The following TMCC1 variants were observed in gnomAD, a reference collection of about 807,000 sequenced individuals.
TMCC1 encodes the protein transmembrane and coiled-coil domain family 1.
Under a neutral mutation model 52.4 loss-of-function variants are expected in TMCC1, and 15 were observed. The ratio of observed to expected loss-of-function variants is 0.29; its 90% CI spans 0.19 to 0.44. TMCC1 has a LOEUF of 0.44. Ranked by LOEUF, TMCC1 falls within the 20% of genes least tolerant of loss-of-function variation. TMCC1 has a pLI of 1.00. For missense variants in TMCC1, 503 were observed against 806.0 expected, an observed-to-expected ratio of 0.62 and a Z score of 4.55; for synonymous variants, 279 against 301.9, an observed-to-expected ratio of 0.92 and a Z score of 0.79.
rs73866113 is a variant in TMCC1 at position 129,723,366 on chromosome 3, T to C, written c.577-52102A>G. Among the ~76,000 whole-genome samples, 1,044 of 141,980 alleles carry C rather than the reference T, an allele frequency of 7.4e-3. 13 individuals carry two copies. The highest frequency in any genetic ancestry group is 9.4e-3 in the Non-Finnish European group (631 of 67,250). 93.1% of individuals were successfully genotyped at this position (141,980 alleles called of 152,430 possible). On this transcript the variant is annotated intron_variant, in intron 4 of 6. Transcript: ENST00000393238. ...AGCACTAAGAAATCTTTTTCTTTTT[T>C]TTTTTTTTTTTTTGGCCACCTAGAT...
chr3:129,692,795 A>T (rs574983263), intron 4 of TMCC1, among the ~76,000 whole-genome samples: 1 of 152,314 alleles, frequency 6.6e-6, no homozygotes, highest in East Asian at 1.9e-4. Flanking sequence ...TTTTTGTCCC[A>T]AACTAAAGTA....
intron 4 of TMCC1, among the ~76,000 whole-genome samples, chr3:129,795,754 T>G (rs1457714973): frequency 6.6e-6 from 1 of 152,216 alleles, no homozygotes; most frequent in Non-Finnish European, 1.5e-5. Context: ...AGTAGCATGA[T>G]AAAACCTCAT....
At chr3:129,778,012 T>A (rs1466674190) in intron 4 of TMCC1, among the ~76,000 whole-genome samples, 1 of 152,132 alleles carries the variant, frequency 6.6e-6, no homozygotes, top group Non-Finnish European at 1.5e-5. Flanking sequence ...TTGCCTAAAC[T>A]CTAGTGATCA....
intron 4 of TMCC1, among the ~76,000 whole-genome samples, chr3:129,808,495 A>AATC (rs1196143966): frequency 1.3e-5 from 2 of 151,360 alleles, no homozygotes; most frequent in Non-Finnish European, 2.9e-5. Flanking sequence ...TAATAATAAT[A>AATC]ATAATAATAA....
At chr3:129,659,528 A>AG (rs1576344891) in intron 5 of TMCC1, among the ~76,000 whole-genome samples, 2 of 152,332 alleles carry the variant, frequency 1.3e-5, no homozygotes, top group East Asian at 3.9e-4. Context: ...ATGTAAAATC[A>AG]GGTGTGAAAT....
At chr3:129,892,301 G>A in intron 1 of TMCC1, among the ~76,000 whole-genome samples, 1 of 152,130 alleles carries the variant, frequency 6.6e-6, no homozygotes, top group East Asian at 1.9e-4. Context: ...CAGAGAGTGG[G>A]TGATTGCAAA....
intron 4 of TMCC1, among the ~76,000 whole-genome samples, chr3:129,737,257 A>G (rs1478132434): frequency 3.9e-5 from 6 of 152,058 alleles, no homozygotes; most frequent in African/African-American, 1.4e-4. Flanking sequence ...ACCTGAGGTC[A>G]GGAGTTCAAG....
chr3:129,695,705 C>T (rs867961287), intron 4 of TMCC1, among the ~76,000 whole-genome samples: 7 of 152,252 alleles, frequency 4.6e-5, no homozygotes, highest in Middle Eastern at 3.4e-3. Context: ...AACTACAATT[C>T]GAGATTTGGG....
At chr3:129,675,763 C>T (rs571432839) in intron 4 of TMCC1, among the ~76,000 whole-genome samples, 25 of 152,294 alleles carry the variant, frequency 1.6e-4, no homozygotes, top group African/African-American at 3.8e-4. Context: ...ACAGGCTAGG[C>T]GCAGTGGCTC....
At chr3:129,890,413 C>T (rs73863904) in intron 1 of TMCC1, among the ~76,000 whole-genome samples, 1 of 152,190 alleles carries the variant, frequency 6.6e-6, no homozygotes, top group Non-Finnish European at 1.5e-5. Context: ...TGTATGTGAG[C>T]CCAAAGAAGT....
chr3:129,852,455 TCA>T (rs1491214729), intron 2 of TMCC1, among the ~76,000 whole-genome samples: 1 of 47,314 alleles, frequency 2.1e-5, no homozygotes, highest in Non-Finnish European at 3.7e-5. Flanking sequence ...AGACACCGTC[TCA>T]AAAAAAAAAA....
At chr3:129,837,970 A>G (rs1357797106) in intron 2 of TMCC1, among the ~76,000 whole-genome samples, 1 of 152,234 alleles carries the variant, frequency 6.6e-6, no homozygotes, top group Non-Finnish European at 1.5e-5. Flanking sequence ...CTGAAATATA[A>G]AGAGAAAAGA....
At chr3:129,809,667 G>C (rs1404623994) in intron 4 of TMCC1, among the ~76,000 whole-genome samples, 1 of 152,154 alleles carries the variant, frequency 6.6e-6, no homozygotes, top group Non-Finnish European at 1.5e-5. Flanking sequence ...CAAAAGAAGA[G>C]AGAGAGAGGT....
At chr3:129,787,543 G>A (rs532036898) in intron 4 of TMCC1, among the ~76,000 whole-genome samples, 47 of 152,228 alleles carry the variant, frequency 3.1e-4, no homozygotes, top group Admixed American at 7.8e-4. Context: ...ACCTCAGGGT[G>A]TCCAAGAGAA....
In TMCC1 at chr3:129,655,017, A is replaced by G; in HGVS notation, c.1598T>C (p.Met533Thr). The G allele has an allele frequency of 6.2e-7, 1 of 1,613,818 alleles. No homozygotes were observed. ...ILNLKQELASMEEKIAYQSYE... is the reference protein window; with the variant it reads ...ILNLKQELASTEEKIAYQSYE... ...GGACTGATACGCGATTTTTTCTTCC[A>G]TGCTTGCCAGTTCCTGCTTCAAGTT... is the stretch of plus-strand genomic sequence containing the variant. The change falls in exon 6 of 7, where the codon ATG (methionine) becomes ACG (threonine). Residue 533 changes from methionine (M) to threonine (T), a missense_variant. Coordinates refer to ENST00000393238, the MANE Select transcript of TMCC1 (RefSeq NM_001017395.5).
chr3:129,763,832 A>G (rs1002957770), intron 4 of TMCC1, among the ~76,000 whole-genome samples: 2 of 151,874 alleles, frequency 1.3e-5, no homozygotes, highest in Non-Finnish European at 2.9e-5. Context: ...TCTCAAATAA[A>G]TAAATAAATA....
At chr3:129,658,496 A>G (rs1034709196) in intron 5 of TMCC1, among the ~76,000 whole-genome samples, 2 of 152,234 alleles carry the variant, frequency 1.3e-5, no homozygotes, top group Non-Finnish European at 2.9e-5. Context: ...ATGTCACTCT[A>G]GCAAGAATAA....
At chr3:129,854,196 A>G (rs2060042726) in intron 2 of TMCC1, among the ~76,000 whole-genome samples, 1 of 152,044 alleles carries the variant, frequency 6.6e-6, no homozygotes, top group Admixed American at 6.6e-5. Context: ...GTTCGAGACC[A>G]GCCTGGCCAA....
At chr3:129,710,667 T>C (rs1247721482) in intron 4 of TMCC1, among the ~76,000 whole-genome samples, 1 of 152,130 alleles carries the variant, frequency 6.6e-6, no homozygotes, top group Non-Finnish European at 1.5e-5. Context: ...CTATTTATGC[T>C]AAACGCAAAA....
Sources: allele counts gnomAD v4.1 joint callset (sites outside exome capture counted in the v4.1 genomes callset), GRCh38; gene constraint gnomAD v4.1.1; transcripts MANE v1.5; gene names NCBI Gene and HGNC (gene_info 2026-07-23, HGNC 2026-07-21).